DLGAP1: variants seen among roughly 807,000 people sequenced by gnomAD.
The protein encoded by DLGAP1 is DLG associated protein 1.
Under a neutral mutation model 90.8 loss-of-function variants are expected in DLGAP1, and 11 were observed. The observed-to-expected ratio is 0.12, with a 90% CI of 0.08 to 0.20. The LOEUF is 0.20. Among genes scored for constraint, DLGAP1 ranks in the 10% least tolerant of loss-of-function variants. DLGAP1 has a pLI of 1.00. For synonymous variants in DLGAP1, 558 were observed against 540.7 expected, an observed-to-expected ratio of 1.03 and a Z score of -0.44; for missense variants, 1,050 against 1,333.8, an observed-to-expected ratio of 0.79 and a Z score of 3.31.
intron 10 of DLGAP1, among the ~76,000 whole-genome samples, chr18:3,530,474 C>G (rs184380694): frequency 3.0e-4 from 45 of 152,180 alleles, no homozygotes; most frequent in Non-Finnish European, 4.1e-4. Flanking sequence ...GAACACCAAT[C>G]AGGAAGCTAG....
intron 10 of DLGAP1, among the ~76,000 whole-genome samples, chr18:3,512,540 T>C (rs1281284308): frequency 6.6e-6 from 1 of 152,226 alleles, no homozygotes; most frequent in African/African-American, 2.4e-5. Context: ...CCTGGGTTAG[T>C]GAATCACATA....
intron 1 of DLGAP1, among the ~76,000 whole-genome samples, chr18:4,284,814 T>C (rs2079644080): frequency 6.6e-6 from 1 of 152,266 alleles, no homozygotes; most frequent in South Asian, 2.1e-4. Context: ...AATAAAATAT[T>C]AGGCTGAAGA....
At chr18:3,619,551 G>A (rs1399385008) in intron 7 of DLGAP1, among the ~76,000 whole-genome samples, 1 of 152,128 alleles carries the variant, frequency 6.6e-6, no homozygotes, top group Admixed American at 6.6e-5. Context: ...ATTGATGCAA[G>A]TCACTAACCC....
intron 4 of DLGAP1, among the ~76,000 whole-genome samples, chr18:3,833,099 C>T (rs566721365): frequency 6.6e-6 from 1 of 151,710 alleles, no homozygotes; most frequent in African/African-American, 2.4e-5. Flanking sequence ...GTGTAATTTT[C>T]TTTTTTCTTT....
intron 3 of DLGAP1, among the ~76,000 whole-genome samples, chr18:3,956,144 G>A (rs1341439145): frequency 1.3e-5 from 2 of 152,166 alleles, no homozygotes; most frequent in African/African-American, 4.8e-5. Context: ...TATAAAGGCA[G>A]CGATAAAGAT....
At chr18:4,334,690 G>C (rs2081032144) in intron 1 of DLGAP1, among the ~76,000 whole-genome samples, 1 of 151,748 alleles carries the variant, frequency 6.6e-6, no homozygotes, top group Non-Finnish European at 1.5e-5. Flanking sequence ...ATCTTCTTAG[G>C]GCAGGGTGGG....
At chr18:3,542,963 T>C (rs1159677103) in intron 9 of DLGAP1, among the ~76,000 whole-genome samples, 1 of 152,196 alleles carries the variant, frequency 6.6e-6, no homozygotes, top group South Asian at 2.1e-4. Context: ...ACATAGGTCC[T>C]AAACTTCAAC....
rs138824490 is a variant in DLGAP1, at chr18:3,885,920, G to T, written c.-72-5780C>A. Among the ~76,000 whole-genome samples, 678 of 152,252 alleles carry T rather than the reference G, an allele frequency of 4.5e-3. 18 individuals are homozygous for T. Among genetic ancestry groups the T allele is most frequent in the Admixed American group, 0.034 (513 of 15,286 alleles). On this transcript the variant is annotated intron_variant, in intron 3 of 12. Coordinates refer to ENST00000315677, the MANE Select transcript of DLGAP1 (RefSeq NM_004746.4). ...CAGCACTGTAAAGGAAATTTTCAAG[G>T]TAGGTAATTTATTAGACCCAAGGAA...
At chr18:3,627,287 T>C (rs2058331484) in intron 7 of DLGAP1, among the ~76,000 whole-genome samples, 1 of 152,164 alleles carries the variant, frequency 6.6e-6, no homozygotes, top group Non-Finnish European at 1.5e-5. Flanking sequence ...TGATTACTAA[T>C]ACAATGCTCT....
chr18:4,030,413 C>T (rs975069983), intron 2 of DLGAP1, among the ~76,000 whole-genome samples: 2 of 152,164 alleles, frequency 1.3e-5, no homozygotes, highest in Non-Finnish European at 1.5e-5. Context: ...ACCTTATGGG[C>T]TAAGAAGAAT....
At position 4,158,299 on chromosome 18, in the gene DLGAP1, C is replaced by T. The variant is rs111252879; in HGVS notation, c.-266-7012G>A. On this transcript the variant is annotated intron_variant, in intron 1 of 12. Coordinates refer to ENST00000315677, the MANE Select transcript of DLGAP1 (RefSeq NM_004746.4). ...TTTGTTTTTTATTTACTTGGAATAACATGAAATATCAAATAAAAACTAGTA... is the reference window on the plus strand; with the variant it reads ...TTTGTTTTTTATTTACTTGGAATAATATGAAATATCAAATAAAAACTAGTA... 4.5e-4 allele frequency among the ~76,000 whole-genome samples: 69 copies of T among 152,156 alleles called. 1 individual carries two copies. Among genetic ancestry groups the T allele is most frequent in the African/African-American group, 1.5e-3 (64 of 41,508 alleles).
intron 5 of DLGAP1, among the ~76,000 whole-genome samples, chr18:3,766,406 CA>C (rs982637645): frequency 1.3e-5 from 2 of 152,068 alleles, no homozygotes; most frequent in Non-Finnish European, 2.9e-5. Flanking sequence ...TACCTCCCAA[CA>C]ATTGACAGAA....
At chr18:3,835,799 T>C (rs1598940012) in intron 4 of DLGAP1, among the ~76,000 whole-genome samples, 1 of 152,264 alleles carries the variant, frequency 6.6e-6, no homozygotes, top group East Asian at 1.9e-4. Flanking sequence ...ATAAACATGG[T>C]TGGAAAGTTT....
chr18:3,858,943 C>A (rs1648052325), intron 4 of DLGAP1, among the ~76,000 whole-genome samples: 1 of 152,132 alleles, frequency 6.6e-6, no homozygotes, highest in Admixed American at 6.5e-5. Context: ...AACAATAGAA[C>A]TTTCATGCTT....
In DLGAP1 at chr18:4,302,930, AT is replaced by A. The variant is rs200208274; in HGVS notation, c.-266-151644del. Reference sequence around the variant, plus strand: ...AGAGTTTCCAGTGTTTATTTCTTTTATTTTTTTGGTTAACTTTATTCCTAAG... The same window carrying A: ...AGAGTTTCCAGTGTTTATTTCTTTTATTTTTTGGTTAACTTTATTCCTAAG... On this transcript the variant is annotated intron_variant, in intron 1 of 12. Transcript: ENST00000315677. 3.3e-3 allele frequency among the ~76,000 whole-genome samples: 507 copies of A among 151,732 alleles called. 5 individuals are homozygous for A. Among genetic ancestry groups the A allele is most frequent in the African/African-American group, 0.012 (476 of 41,360 alleles).
chr18:4,432,271 A>T (rs1013855851), intron 1 of DLGAP1, among the ~76,000 whole-genome samples: 1 of 152,174 alleles, frequency 6.6e-6, no homozygotes, highest in African/African-American at 2.4e-5. Context: ...TATTAGAAGT[A>T]AGGAGCTGAA....
rs1032202938 is a variant in DLGAP1, at chr18:3,969,538, C to T, written c.-73+35578G>A. On this transcript the variant is annotated intron_variant, in intron 3 of 12. Transcript: ENST00000315677. ...ACACAGAAAGACAGTGGTTTAAGAC[C>T]TTATTTGTAAAAGAGATCCAGAAAA... Among the ~76,000 whole-genome samples, 9 of 152,212 alleles carry T rather than the reference C, an allele frequency of 5.9e-5. No homozygotes were observed. The South Asian group carries it at 6.2e-4, about 11-fold the overall frequency.
At chr18:4,404,975 T>C (rs1474174292) in intron 1 of DLGAP1, among the ~76,000 whole-genome samples, 5 of 152,120 alleles carry the variant, frequency 3.3e-5, no homozygotes, top group Non-Finnish European at 7.4e-5. Context: ...AGAAAATAAC[T>C]AAGATAGAGA....
intron 1 of DLGAP1, among the ~76,000 whole-genome samples, chr18:4,370,672 A>C (rs1055778529): frequency 2.0e-5 from 3 of 152,102 alleles, no homozygotes; most frequent in African/African-American, 7.2e-5. Context: ...AGGAAGAGAG[A>C]GGAAGAAGCG....
Sources: allele counts gnomAD v4.1 joint callset (sites outside exome capture counted in the v4.1 genomes callset), GRCh38; gene constraint gnomAD v4.1.1; transcripts MANE v1.5; gene names NCBI Gene and HGNC (gene_info 2026-07-23, HGNC 2026-07-21).